Variants in CTSB observed in about 807,000 individuals in gnomAD.
The protein encoded by CTSB is cathepsin B, also known as APP secretase.
Under a neutral mutation model 44.3 loss-of-function variants are expected in CTSB, and 57 were observed. The observed-to-expected ratio is 1.29, with a 90% confidence interval of 1.04 to 1.60. The LOEUF is 1.60. Ranked by LOEUF, CTSB falls within the 40% of genes most tolerant of loss-of-function variation. The pLI is 0.00. For synonymous variants in CTSB, 320 were observed against 168.0 expected, an observed-to-expected ratio of 1.91 and a Z score of -7.00; for missense variants, 768 against 443.0, an observed-to-expected ratio of 1.73 and a Z score of -6.59.
At position 11,844,894 on chromosome 8, in the gene CTSB, A is replaced by G. The variant is rs1379554880; in HGVS notation, c.*231T>C. Reference sequence around the variant, plus strand: ...GGTACTCCCTACGGCACTAGTCTACAGGGGGAAGGACGCTCTGTGCTGGCA... The same window carrying G: ...GGTACTCCCTACGGCACTAGTCTACGGGGGGAAGGACGCTCTGTGCTGGCA... On this transcript the variant is annotated 3_prime_UTR_variant, in exon 10 of 10. Coordinates refer to ENST00000353047, the MANE Select transcript of CTSB (RefSeq NM_001908.5). 1 of 547,110 alleles carries G rather than the reference A, an allele frequency of 1.8e-6. No homozygotes were observed. Among genetic ancestry groups the G allele is most frequent in the Non-Finnish European group, 3.3e-6 (1 of 305,382 alleles). 33.9% of individuals were successfully genotyped at this position (547,110 alleles called of 1,614,324 possible).
Position 11,843,354 on chromosome 8 carries a change from C to CACATCAGAAGCCAAACTTGAATGCT in CTSB, c.*1746_*1770dup, listed in dbSNP as rs1418082216. On this transcript the variant is annotated 3_prime_UTR_variant, in exon 10 of 10. Coordinates refer to ENST00000353047, the MANE Select transcript of CTSB (RefSeq NM_001908.5). ...AGCATCTGGTTCCTAAATTCTGAGT[C>CACATCAGAAGCCAAACTTGAATGCT]ACATCAGAAGCCAAACTTGAATGCT... 9 of 152,176 alleles carry CACATCAGAAGCCAAACTTGAATGCT rather than the reference C, an allele frequency of 5.9e-5. No individual in the cohort carries two copies. Among genetic ancestry groups the CACATCAGAAGCCAAACTTGAATGCT allele is most frequent in the African/African-American group, 2.2e-4 (9 of 41,440 alleles). The allele number at this position is 152,176 out of a possible 1,614,324, so 9.4% of individuals were successfully genotyped here. A position where few individuals can be genotyped will look rare whatever the true frequency, so the allele number is the denominator to read the frequency against.
At chr8:11,859,025 A>G (rs552377689) in intron 1 of CTSB, among the ~76,000 whole-genome samples, 2 of 152,260 alleles carry the variant, frequency 1.3e-5, no homozygotes, top group East Asian at 3.9e-4. Context: ...GGCTGGTGGA[A>G]GAACAGCTGC....
chr8:11,860,239 T>G (rs1242928886), intron 1 of CTSB, among the ~76,000 whole-genome samples: 2 of 152,092 alleles, frequency 1.3e-5, no homozygotes, highest in Non-Finnish European at 2.9e-5. Flanking sequence ...GTGAAAGAAT[T>G]CTTAGCAAAG....
In CTSB at chr8:11,843,634, G is replaced by C. The variant is rs867110212; in HGVS notation, c.*1491C>G. 6.6e-6 allele frequency: 1 copy of C among 152,258 alleles called. No homozygotes were observed. Among genetic ancestry groups the C allele is most frequent in the African/African-American group, 2.4e-5 (1 of 41,458 alleles). The allele number at this position is 152,258 out of a possible 1,614,324, so 9.4% of individuals were successfully genotyped here. A position where few individuals can be genotyped will look rare whatever the true frequency, so the allele number is the denominator to read the frequency against. ...ACCAAGGCTGGAGGGCATCCAGGGG[G>C]ATGTGGTTCCCCACGGGGTAGCATC... On this transcript the variant is annotated 3_prime_UTR_variant, in exon 10 of 10. Transcript: ENST00000353047.
At chr8:11,850,430 AAAAAAAAAAAAGAAAG>A in intron 4 of CTSB, among the ~76,000 whole-genome samples, 1 of 147,646 alleles carries the variant, frequency 6.8e-6, no homozygotes, top group Non-Finnish European at 1.5e-5. Flanking sequence ...AAAAAAAAAA[AAAAAAAAAAAAGAAAG>A]AAAAAGAAAA....
Position 11,845,772 on chromosome 8 carries a change from T to C in CTSB, c.811A>G (p.Thr271Ala), listed in dbSNP as rs1409946192. The C allele has an allele frequency of 6.2e-7, 1 of 1,613,808 alleles. No homozygotes were observed. The highest frequency in any genetic ancestry group is 8.5e-7 in the Non-Finnish European group (1 of 1,179,858). Residue 271 changes from threonine to alanine, a missense_variant, in exon 9 of 10, where the codon ACC becomes GCC. Transcript: ENST00000353047. ...LYKSGVYQHVTGEMMGGHAIR... is the reference protein window; with the variant it reads ...LYKSGVYQHVAGEMMGGHAIR... ...GCATGGCCACCCATCATCTCTCCGG[T>C]GACGTGTTGGTACACTCCTGAAAAG...
At chr8:11,854,365 C>G (rs1815155556) in intron 1 of CTSB, among the ~76,000 whole-genome samples, 1 of 152,122 alleles carries the variant, frequency 6.6e-6, no homozygotes. Flanking sequence ...GGTGTCAGTG[C>G]TTAACAAACT....
intron 5 of CTSB, 184 bp from the exon 6 acceptor site, chr8:11,848,336 G>A (rs1563391556): frequency 1.0e-5 from 7 of 689,670 alleles, no homozygotes; most frequent in African/African-American, 3.5e-5. Context: ...ACAGCTTGCA[G>A]GGAATAACCG....
In CTSB at chr8:11,852,656, T is replaced by C. The variant is rs2131052640; in HGVS notation, c.166A>G (p.Lys56Glu). Residue 56 changes from lysine to glutamate, a missense_variant, in exon 3 of 10, where the codon AAG becomes GAG. Transcript: ENST00000353047. Reference sequence around the variant, plus strand: ...CCCAGGAAGGTACCACATAGCCTCTTCAAGTAGCTCATGTCCACGTTGTAG... The same window carrying C: ...CCCAGGAAGGTACCACATAGCCTCTCCAAGTAGCTCATGTCCACGTTGTAG... The part of the protein sequence containing the change: ...NFYNVDMSYL[K>E]RLCGTFLGGP... 1 of 1,614,050 alleles carries C rather than the reference T, an allele frequency of 6.2e-7. No individual in the cohort carries two copies. The highest frequency in any genetic ancestry group is 8.5e-7 in the Non-Finnish European group (1 of 1,180,016).
At position 11,853,918 on chromosome 8, in the gene CTSB, G is replaced by T. The variant is rs80112186; in HGVS notation, c.-25-439C>A. ...GTTACAATCCAGGAGTCCTAGTTTC[G>T]ACAGGACACAGACAAACAAGCTCGG... On this transcript the variant is annotated intron_variant, in intron 1 of 9. Coordinates refer to ENST00000353047, the MANE Select transcript of CTSB (RefSeq NM_001908.5). 1,467 of 153,776 alleles carry T rather than the reference G, an allele frequency of 9.5e-3. 22 individuals carry two copies. Among genetic ancestry groups the T allele is most frequent in the African/African-American group, 0.033 (1,369 of 41,400 alleles). 9.5% of individuals were successfully genotyped at this position (153,776 alleles called of 1,614,324 possible).
At chr8:11,847,298 G>C (rs1182865839) in intron 7 of CTSB, 130 bp from the exon 8 acceptor site, 1 of 687,082 alleles carries the variant, frequency 1.5e-6, no homozygotes. Flanking sequence ...TGCCCTGCCA[G>C]GGGAGCTCAA....
chr8:11,852,069 T>A (rs1255466003), intron 3 of CTSB, among the ~76,000 whole-genome samples: 1 of 152,072 alleles, frequency 6.6e-6, no homozygotes, highest in Non-Finnish European at 1.5e-5. Context: ...TGAGACACCT[T>A]GGAGAAGCAC....
chr8:11,862,440 T>G (rs1277002932), intron 1 of CTSB: 1 of 152,218 alleles, frequency 6.6e-6, no homozygotes, highest in South Asian at 2.1e-4. Flanking sequence ...CAGCCAACGT[T>G]TGCATCCCAG....
chr8:11,847,247 T>C (rs1337658733), intron 7 of CTSB, 79 bp from the exon 8 acceptor site: 4 of 903,558 alleles, frequency 4.4e-6, no homozygotes, highest in South Asian at 2.8e-5. Context: ...CAGTCACTGA[T>C]TTCTGGTGGC....
At position 11,850,941 on chromosome 8, in the gene CTSB, G is replaced by C. The variant is rs4943; in HGVS notation, c.252C>G (p.Phe84Leu). ...ACTGTGGCCATTGTTCCCGTGCATC[G>C]AAGCTTGCAGGCAGCTTCAGGTCCT... ...FTEDLKLPAS[F>L]DAREQWPQCP... Residue 84 changes from phenylalanine to leucine, a missense_variant, in exon 4 of 10, where the codon TTC (phenylalanine) becomes TTG (leucine). Transcript: ENST00000353047. The C allele has an allele frequency of 1.2e-6, 2 of 1,613,334 alleles. No individual in the cohort carries two copies. Among genetic ancestry groups the C allele is most frequent in the Non-Finnish European group, 1.7e-6 (2 of 1,179,526 alleles).
chr8:11,850,955 G>C lies in CTSB; in HGVS notation c.238C>G (p.Leu80Val), dbSNP rs775824616. Reference sequence around the variant, plus strand: ...TCCCGTGCATCGAAGCTTGCAGGCAGCTTCAGGTCCTCGGTAAACATAACT... The same window carrying C: ...TCCCGTGCATCGAAGCTTGCAGGCACCTTCAGGTCCTCGGTAAACATAACT... ...QRVMFTEDLK[L>V]PASFDAREQW... The change falls in exon 4 of 10, where the codon CTG becomes GTG. Residue 80 changes from leucine to valine, a missense_variant. Physicochemically the swap from Leu to Val is conservative, Grantham distance 32. Transcript: ENST00000353047. The C allele has an allele frequency of 6.2e-7, 1 of 1,613,130 alleles. No individual in the cohort carries two copies. The highest frequency in any genetic ancestry group is 1.1e-5 in the South Asian group (1 of 90,976).
Position 11,847,912 on chromosome 8 carries a change from G to A in CTSB, c.533-90C>T, listed in dbSNP as rs77133856. On this transcript the variant is annotated intron_variant, in intron 6 of 9. Transcript: ENST00000353047. ...CAAGCCTCGTGCCTGCAGCATGGACGCCAGGCAGGTCCTGCCAGAGGCCTG... is the reference window on the plus strand; with the variant it reads ...CAAGCCTCGTGCCTGCAGCATGGACACCAGGCAGGTCCTGCCAGAGGCCTG... The A allele has an allele frequency of 3.1e-4, 448 of 1,455,874 alleles. 1 individual carries two copies. In the African/African-American group the frequency reaches 5.7e-3, roughly 18 times the overall value. 90.2% of individuals were successfully genotyped at this position (1,455,874 alleles called of 1,614,324 possible). A position where few individuals can be genotyped will look rare whatever the true frequency, so the allele number is the denominator to read the frequency against.
intron 8 of CTSB, among the ~76,000 whole-genome samples, chr8:11,846,685 G>A (rs1442068463): frequency 6.6e-6 from 1 of 152,144 alleles, no homozygotes; most frequent in African/African-American, 2.4e-5. Flanking sequence ...CATTATAACA[G>A]AAACATGCTG....
At chr8:11,846,146 A>ATT in intron 8 of CTSB, 1 of 164,134 alleles carries the variant, frequency 6.1e-6, no homozygotes, top group Non-Finnish European at 1.3e-5. Flanking sequence ...GTTTGTCAAA[A>ATT]GCGTTACACG....
Sources: gnomAD v4.1 joint callset for allele counts (sites outside exome capture counted in the v4.1 genomes callset) on GRCh38, gnomAD v4.1.1 for gene constraint, MANE v1.5 for transcripts, NCBI Gene and HGNC (gene_info 2026-07-23, HGNC 2026-07-21) for gene names.